Variants in CNOT10 observed in about 807,000 individuals in gnomAD.
CNOT10 encodes CCR4-NOT transcription complex subunit 10.
In CNOT10, 30 loss-of-function variants were observed where a neutral mutation model predicts 94.6. The ratio of observed to expected loss-of-function variants is 0.32; its 90% CI spans 0.24 to 0.43. CNOT10 has a LOEUF of 0.43. Among genes scored for constraint, CNOT10 ranks in the 20% least tolerant of loss-of-function variants. The probability of loss-of-function intolerance (pLI) is 1.00; values close to 1 mark genes in which losing one functional copy is unlikely to be tolerated. For synonymous variants in CNOT10, 289 were observed against 301.6 expected, an observed-to-expected ratio of 0.96 and a Z score of 0.43; for missense variants, 759 against 877.2, an observed-to-expected ratio of 0.87 and a Z score of 1.70.
In CNOT10 at chr3:32,720,323, G is replaced by A. The variant is rs919594467; in HGVS notation, c.862+92G>A. On this transcript the variant is annotated intron_variant, in intron 8 of 18. Transcript: ENST00000328834. The stretch of plus-strand genomic sequence containing the variant: ...CCTCCCAACACCCAGTCTTTTGAGT[G>A]ATTTATGCTAATTTTTTAATGAAAA... 9.3e-6 allele frequency: 5 copies of A among 539,980 alleles called. No individual in the cohort carries two copies. The East Asian group carries it at 1.4e-4, about 15-fold the overall frequency. The allele number at this position is 539,980 out of a possible 1,614,324, so 33.4% of individuals were successfully genotyped here. A position where few individuals can be genotyped will look rare whatever the true frequency, so the allele number is the denominator to read the frequency against.
chr3:32,759,402 T>C (rs182731027), intron 13 of CNOT10, 56 bp from the exon 14 acceptor site: 4 of 1,233,824 alleles, frequency 3.2e-6, no homozygotes, highest in Non-Finnish European at 3.6e-6. Context: ...TTAGCAAATA[T>C]AACCATTATC....
intron 1 of CNOT10, chr3:32,695,771 G>A: frequency 6.5e-7 from 1 of 1,535,948 alleles, no homozygotes; most frequent in Non-Finnish European, 8.7e-7. Context: ...ATTGGCAACG[G>A]AGACTACTTT....
In CNOT10 at chr3:32,704,796, G is replaced by T. The variant is rs1467282366; in HGVS notation, c.118-15G>T. 25 of 1,189,760 alleles carry T rather than the reference G, an allele frequency of 2.1e-5. No homozygotes were observed. Among genetic ancestry groups the T allele is most frequent in the East Asian group, 1.2e-4 (4 of 32,580 alleles). 73.7% of individuals were successfully genotyped at this position (1,189,760 alleles called of 1,614,324 possible). On this transcript the variant is annotated splice_polypyrimidine_tract_variant and intron_variant, in intron 2 of 18. Transcript: ENST00000328834. ...ATGTAATTTTGTGTGTGTGTGTGTGGTTTTTTTTTTTTAGTCTGGAAATTA... is the reference window on the plus strand; with the variant it reads ...ATGTAATTTTGTGTGTGTGTGTGTGTTTTTTTTTTTTTAGTCTGGAAATTA...
intron 10 of CNOT10, among the ~76,000 whole-genome samples, chr3:32,728,332 AT>A (rs1698777991): frequency 6.6e-6 from 1 of 151,958 alleles, no homozygotes; most frequent in Non-Finnish European, 1.5e-5. Context: ...TCAAAAAGTC[AT>A]TTGTTGGCCG....
chr3:32,708,940 T>C (rs1410622059), intron 4 of CNOT10, 120 bp downstream of exon 4: 11 of 737,116 alleles, frequency 1.5e-5, no homozygotes. Context: ...AGAAAAGCCG[T>C]ATCAGCTTTG....
chr3:32,743,159 A>G (rs1301574442), intron 13 of CNOT10, among the ~76,000 whole-genome samples: 1 of 151,098 alleles, frequency 6.6e-6, no homozygotes. Context: ...CTAATTTTTT[A>G]TATTTTTAGT....
At chr3:32,771,158 C>G (rs1700886470) in intron 18 of CNOT10, among the ~76,000 whole-genome samples, 1 of 151,892 alleles carries the variant, frequency 6.6e-6, no homozygotes, top group Non-Finnish European at 1.5e-5. Context: ...AAAACCCCAT[C>G]TCTACAAAAA....
chr3:32,728,432 A>G (rs1698783938), intron 10 of CNOT10, among the ~76,000 whole-genome samples: 1 of 151,576 alleles, frequency 6.6e-6, no homozygotes, highest in South Asian at 2.1e-4. Flanking sequence ...ACCAGTCTGG[A>G]CAACATAGTG....
intron 1 of CNOT10, among the ~76,000 whole-genome samples, chr3:32,700,581 A>G (rs184514082): frequency 2.0e-5 from 3 of 152,288 alleles, no homozygotes; most frequent in Admixed American, 2.0e-4. Context: ...TGCTTCACAT[A>G]TATTCTTACT....
chr3:32,690,846 C>T (rs929950680), intron 1 of CNOT10, among the ~76,000 whole-genome samples: 2 of 152,040 alleles, frequency 1.3e-5, no homozygotes, highest in African/African-American at 2.4e-5. Context: ...CGCGCCCAGA[C>T]TTATTTGGTA....
At chr3:32,750,015 A>C (rs137911730) in intron 13 of CNOT10, among the ~76,000 whole-genome samples, 1 of 152,088 alleles carries the variant, frequency 6.6e-6, no homozygotes, top group Admixed American at 6.6e-5. Flanking sequence ...CCAGGAGTTC[A>C]AGATCAGCCT....
At chr3:32,700,867 C>A (rs538223809) in intron 1 of CNOT10, among the ~76,000 whole-genome samples, 5 of 152,274 alleles carry the variant, frequency 3.3e-5, no homozygotes, top group African/African-American at 1.2e-4. Flanking sequence ...GTGCATGGAG[C>A]TTTTGCTGGT....
At chr3:32,764,659 G>A in intron 16 of CNOT10, 23 bp from the exon 17 acceptor site, 3 of 1,612,368 alleles carry the variant, frequency 1.9e-6, no homozygotes, top group Non-Finnish European at 2.5e-6. Context: ...CTCTTCACCA[G>A]TGTCTACACT....
chr3:32,727,614 G>C, intron 9 of CNOT10, 54 bp from the exon 10 acceptor site: 1 of 1,159,968 alleles, frequency 8.6e-7, no homozygotes. Context: ...ATGTTTTCAA[G>C]GTTACTATTA....
chr3:32,707,886 A>T (rs1256650504), intron 3 of CNOT10, among the ~76,000 whole-genome samples: 2 of 152,148 alleles, frequency 1.3e-5, no homozygotes, highest in Non-Finnish European at 2.9e-5. Context: ...TAAATAGTTA[A>T]CTATTTTTGT....
chr3:32,762,513 C>A (rs1446047706), intron 14 of CNOT10, among the ~76,000 whole-genome samples: 1 of 152,042 alleles, frequency 6.6e-6, no homozygotes, highest in Non-Finnish European at 1.5e-5. Flanking sequence ...CTCAGCAGTC[C>A]ACCCACCTAG....
At chr3:32,766,701 A>G (rs1423726687) in intron 17 of CNOT10, among the ~76,000 whole-genome samples, 3 of 152,040 alleles carry the variant, frequency 2.0e-5, no homozygotes, top group Non-Finnish European at 4.4e-5. Context: ...AACTCCATAC[A>G]CACTAAAGAA....
At chr3:32,744,410 T>C (rs2125598090) in intron 13 of CNOT10, among the ~76,000 whole-genome samples, 1 of 152,304 alleles carries the variant, frequency 6.6e-6, no homozygotes, top group African/African-American at 2.4e-5. Context: ...ATCATGACTT[T>C]TCCAATGGCC....
chr3:32,747,902 T>C (rs1699773370), intron 13 of CNOT10, among the ~76,000 whole-genome samples: 1 of 151,340 alleles, frequency 6.6e-6, no homozygotes, highest in East Asian at 1.9e-4. Context: ...GAACCGAGAT[T>C]GTGCCACTGC....
Sources: allele counts gnomAD v4.1 joint callset (sites outside exome capture counted in the v4.1 genomes callset), GRCh38; gene constraint gnomAD v4.1.1; transcripts MANE v1.5; gene names NCBI Gene and HGNC (gene_info 2026-07-23, HGNC 2026-07-21).